Variants in DDX24 observed in about 807,000 individuals in gnomAD.
The protein encoded by DDX24 is DEAD-box helicase 24, also known as ATP-dependent RNA helicase DDX24.
Under a neutral mutation model 68.9 loss-of-function variants are expected in DDX24, and 24 were observed. The observed-to-expected ratio is 0.35, with a 90% CI of 0.25 to 0.49. The LOEUF is 0.49. Ranked by LOEUF, DDX24 falls within the 20% of genes least tolerant of loss-of-function variation. The pLI is 0.99. For missense variants in DDX24, 989 were observed against 1,039.0 expected (o/e 0.95, Z 0.66); for synonymous variants, 395 against 385.2 (o/e 1.03, Z -0.30).
intron 1 of DDX24, 57 bp from the exon 2 acceptor site, chr14:94,079,804 T>C: frequency 1.3e-6 from 2 of 1,499,726 alleles, no homozygotes; most frequent in South Asian, 2.5e-5. Flanking sequence ...AGGGTTCTGA[T>C]GTAACAAATA....
intron 2 of DDX24, among the ~76,000 whole-genome samples, chr14:94,065,177 T>C (rs1169723194): frequency 1.3e-5 from 2 of 151,976 alleles, no homozygotes; most frequent in Non-Finnish European, 2.9e-5. Context: ...GCCTCCCAAG[T>C]AGCTGGGACT....
At chr14:94,071,775 G>A (rs989376760) in intron 2 of DDX24, among the ~76,000 whole-genome samples, 7 of 152,072 alleles carry the variant, frequency 4.6e-5, no homozygotes, top group African/African-American at 1.7e-4. Context: ...GAGAAACCAC[G>A]TCTCTACTAA....
At chr14:94,073,700 T>C (rs1309986058) in intron 2 of DDX24, among the ~76,000 whole-genome samples, 1 of 152,068 alleles carries the variant, frequency 6.6e-6, no homozygotes, top group Non-Finnish European at 1.5e-5. Flanking sequence ...ATTGTCAGAA[T>C]ACATGAAACA....
intron 2 of DDX24, among the ~76,000 whole-genome samples, chr14:94,064,291 G>A (rs1885654806): frequency 6.6e-6 from 1 of 152,302 alleles, no homozygotes; most frequent in Middle Eastern, 3.4e-3. Flanking sequence ...TCAGTGACAG[G>A]GGCATCTTTT....
intron 2 of DDX24, among the ~76,000 whole-genome samples, chr14:94,068,658 G>GC (rs1360042408): frequency 6.6e-6 from 1 of 152,114 alleles, no homozygotes; most frequent in Non-Finnish European, 1.5e-5. Flanking sequence ...ATTATATCAA[G>GC]CACTCTCTCA....
At chr14:94,078,759 C>T (rs1885996409) in intron 2 of DDX24, among the ~76,000 whole-genome samples, 1 of 152,204 alleles carries the variant, frequency 6.6e-6, no homozygotes, top group South Asian at 2.1e-4. Context: ...ATTTAACCCT[C>T]ACAGCAATGC....
At position 94,060,289 on chromosome 14, in the gene DDX24, C is replaced by T. The variant is rs1365145317; in HGVS notation, c.1722G>A (p.Glu574=). 5 of 1,614,220 alleles carry T rather than the reference C, an allele frequency of 3.1e-6. No individual in the cohort carries two copies. The highest frequency in any genetic ancestry group is 1.6e-4 in the Middle Eastern group (1 of 6,062). ...TETKIHCETD[E]KDFYLYYFLM... is the part of the protein sequence containing the mutation. ...GGAAGTAGTACAAGTAGAAGTCTTT[C>T]TCATCAGTCTCACAATGGATCTTGG... The change falls in exon 5 of 9, where the codon GAG becomes GAA. Residue 574 remains glutamate (E), a synonymous_variant. Coordinates refer to ENST00000621632, the MANE Select transcript of DDX24 (RefSeq NM_020414.4).
At position 94,074,372 on chromosome 14, in the gene DDX24, T is replaced by C. The variant is rs1055122696; in HGVS notation, c.718+4653A>G. Among the ~76,000 whole-genome samples the C allele has an allele frequency of 1.3e-4, 20 of 152,214 alleles. 1 individual carries two copies. Among genetic ancestry groups the C allele is most frequent in the Non-Finnish European group, 1.5e-5 (1 of 68,030 alleles). ...AACAAAATATAATTAGAATAGTATA[T>C]TGTGACCAAGTTCAGTTTATCCCAG... is the stretch of plus-strand genomic sequence containing the variant. On this transcript the variant is annotated intron_variant, in intron 2 of 8. Transcript: ENST00000621632.
At chr14:94,060,008 G>A in intron 5 of DDX24, 90 bp downstream of exon 5, 1 of 1,457,870 alleles carries the variant, frequency 6.9e-7, no homozygotes, top group Non-Finnish European at 9.2e-7. Flanking sequence ...ATGACAGAAG[G>A]TGGCTTTTCT....
rs1359788236 is a variant in DDX24, at chr14:94,077,120, A to G, written c.718+1905T>C. Among the ~76,000 whole-genome samples the G allele has an allele frequency of 2.0e-5, 3 of 152,258 alleles. No homozygotes were observed. The East Asian group carries it at 5.8e-4, about 29-fold the overall frequency. Reference sequence around the variant, plus strand: ...TATGTGCTAATAGACTGCTTATGTTATCTGTAAGGCATCCAGCCAATAATA... The same window carrying G: ...TATGTGCTAATAGACTGCTTATGTTGTCTGTAAGGCATCCAGCCAATAATA... On this transcript the variant is annotated intron_variant, in intron 2 of 8. Transcript: ENST00000621632.
At chr14:94,054,260 T>C (rs1416896350) in intron 7 of DDX24, among the ~76,000 whole-genome samples, 2 of 152,200 alleles carry the variant, frequency 1.3e-5, no homozygotes, top group African/African-American at 2.4e-5. Context: ...TGATTTCCAC[T>C]TTTCCATCCT....
chr14:94,051,186 A>G lies in DDX24; in HGVS notation c.*5T>C, dbSNP rs2141419167. On this transcript the variant is annotated 3_prime_UTR_variant, in exon 9 of 9. Coordinates refer to ENST00000621632, the MANE Select transcript of DDX24 (RefSeq NM_020414.4). ...CAATGTGCAGTCACTGACACACTTGACCAGTTAATTTGCACTTGTACTTGG... is the reference window on the plus strand; with the variant it reads ...CAATGTGCAGTCACTGACACACTTGGCCAGTTAATTTGCACTTGTACTTGG... The G allele has an allele frequency of 1.7e-6, 2 of 1,175,000 alleles. No individual in the cohort carries two copies. Among genetic ancestry groups the G allele is most frequent in the Non-Finnish European group, 2.3e-6 (2 of 885,528 alleles). 72.8% of individuals were successfully genotyped at this position (1,175,000 alleles called of 1,614,324 possible). A position where few individuals can be genotyped will look rare whatever the true frequency, so the allele number is the denominator to read the frequency against.
At position 94,075,063 on chromosome 14, in the gene DDX24, G is replaced by A. The variant is rs77240670; in HGVS notation, c.718+3962C>T. On this transcript the variant is annotated intron_variant, in intron 2 of 8. Transcript: ENST00000621632. ...TTCATAGACTGGAAAATTAAATATT[G>A]TTAAGACGTCATCTATCCTCAATTT... 2.9e-3 allele frequency among the ~76,000 whole-genome samples: 436 copies of A among 152,254 alleles called. 2 individuals carry two copies. The highest frequency in any genetic ancestry group is 0.01 in the African/African-American group (420 of 41,542).
At chr14:94,078,689 C>G (rs572030302) in intron 2 of DDX24, among the ~76,000 whole-genome samples, 2 of 152,314 alleles carry the variant, frequency 1.3e-5, no homozygotes, top group East Asian at 1.9e-4. Context: ...TCAAGAACAG[C>G]AGAAACTACG....
intron 2 of DDX24, among the ~76,000 whole-genome samples, chr14:94,076,937 T>C (rs1885953164): frequency 6.6e-6 from 1 of 152,204 alleles, no homozygotes. Flanking sequence ...CTCCTCTTTC[T>C]ACTCAGCCTA....
chr14:94,059,079 G>C (rs1183467766), intron 5 of DDX24, among the ~76,000 whole-genome samples: 1 of 152,160 alleles, frequency 6.6e-6, no homozygotes, highest in African/African-American at 2.4e-5. Context: ...GAAAAAAAAA[G>C]GGCAGCAAGC....
Position 94,053,017 on chromosome 14 carries a change from C to T in DDX24, c.2289G>A (p.Leu763=). 2 of 1,613,908 alleles carry T rather than the reference C, an allele frequency of 1.2e-6. No homozygotes were observed. The highest frequency in any genetic ancestry group is 1.7e-6 in the Non-Finnish European group (2 of 1,179,882). ...EQAAAALEIE[L]EEDMYKGGKA... ...GCTTACCCTTATACATGTCTTCTTCCAGCTCAATCTCCAGGGCAGCTGCTG... is the reference window on the plus strand; with the variant it reads ...GCTTACCCTTATACATGTCTTCTTCTAGCTCAATCTCCAGGGCAGCTGCTG... The change falls in exon 8 of 9, where the codon CTG becomes CTA. Residue 763 remains leucine (L), a synonymous_variant. Coordinates refer to ENST00000621632, the MANE Select transcript of DDX24 (RefSeq NM_020414.4).
intron 2 of DDX24, among the ~76,000 whole-genome samples, chr14:94,068,969 C>T (rs984912759): frequency 6.6e-6 from 1 of 151,938 alleles, no homozygotes; most frequent in Non-Finnish European, 1.5e-5. Flanking sequence ...GAAACAAGAA[C>T]AAACCAAACC....
At chr14:94,062,768 C>T (rs1885624385) in intron 2 of DDX24, 147 bp from the exon 3 acceptor site, 1 of 998,828 alleles carries the variant, frequency 1.0e-6, no homozygotes, top group South Asian at 1.9e-5. Flanking sequence ...ACACAGATTT[C>T]CCCAGAAGGA....
Sources: allele counts gnomAD v4.1 joint callset (sites outside exome capture counted in the v4.1 genomes callset), GRCh38; gene constraint gnomAD v4.1.1; transcripts MANE v1.5; gene names NCBI Gene and HGNC (gene_info 2026-07-23, HGNC 2026-07-21).